RGS18: variants seen among roughly 807,000 people sequenced by gnomAD.
The protein encoded by RGS18 is regulator of G protein signaling 18.
RGS18 carries 22 observed loss-of-function variants against 27.6 expected under a neutral mutation model. The observed-to-expected ratio is 0.80, with a 90% CI of 0.57 to 1.14. The LOEUF (loss-of-function observed/expected upper bound fraction) is 1.14. RGS18 is among the 50% of genes most tolerant of loss of function. The pLI is 0.00. For synonymous variants in RGS18, 89 were observed against 84.6 expected, an observed-to-expected ratio of 1.05 and a Z score of -0.29; for missense variants, 299 against 269.6, an observed-to-expected ratio of 1.11 and a Z score of -0.76.
At chr1:192,171,644 T>A (rs563913961) in intron 3 of RGS18, among the ~76,000 whole-genome samples, 2 of 152,150 alleles carry the variant, frequency 1.3e-5, no homozygotes, top group South Asian at 4.2e-4. Context: ...GTGGCTGAAA[T>A]CATTCCATAC....
At chr1:192,172,886 T>TATAA (rs1553229390) in intron 3 of RGS18, among the ~76,000 whole-genome samples, 24 of 144,106 alleles carry the variant, frequency 1.7e-4, no homozygotes, top group African/African-American at 6.1e-4. Context: ...TATATATAAA[T>TATAA]ATATATATAT....
rs368808934 is a variant in RGS18 at position 192,181,322 on chromosome 1, A to C, written c.314A>C (p.Lys105Thr). 3.9e-5 allele frequency: 61 copies of C among 1,560,536 alleles called. No homozygotes were observed. The African/African-American group carries it at 8.0e-4, about 20-fold the overall frequency. ...DGLEAFTRFL[K>T]TEFSEENIEF... ...CTAGAGGCTTTTACCAGATTTCTTA[A>C]AACTGAATTCAGTGAAGAAAATATT... The change falls in exon 4 of 5, where the codon AAA becomes ACA. Residue 105 changes from lysine to threonine, a missense_variant. Physicochemically the swap from Lys to Thr is moderately conservative, Grantham distance 78. Coordinates refer to ENST00000367460, the MANE Select transcript of RGS18 (RefSeq NM_130782.3).
In RGS18 at chr1:192,181,318, C is replaced by A; in HGVS notation, c.310C>A (p.Leu104Ile). 1 of 1,551,348 alleles carries A rather than the reference C, an allele frequency of 6.4e-7. No individual in the cohort carries two copies. The highest frequency in any genetic ancestry group is 8.7e-7 in the Non-Finnish European group (1 of 1,144,330). ...RDGLEAFTRF[L>I]KTEFSEENIE... is the part of the protein sequence containing the mutation. ...TGGACTAGAGGCTTTTACCAGATTTCTTAAAACTGAATTCAGTGAAGAAAA... is the reference window on the plus strand; with the variant it reads ...TGGACTAGAGGCTTTTACCAGATTTATTAAAACTGAATTCAGTGAAGAAAA... Residue 104 changes from leucine (L) to isoleucine (I), a missense_variant, in exon 4 of 5, where the codon CTT (leucine) becomes ATT (isoleucine). Leu to Ile is a conservative substitution (Grantham distance 5, BLOSUM62 2). Coordinates refer to ENST00000367460, the MANE Select transcript of RGS18 (RefSeq NM_130782.3).
chr1:192,168,926 C>T lies in RGS18; in HGVS notation c.283+8487C>T, dbSNP rs1305031339. 3.3e-5 allele frequency: 5 copies of T among 152,148 alleles called. No homozygotes were observed. The South Asian group carries it at 8.3e-4, about 25-fold the overall frequency. The allele number at this position is 152,148 out of a possible 1,614,324, so 9.4% of individuals were successfully genotyped here. On this transcript the variant is annotated intron_variant, in intron 3 of 4. Coordinates refer to ENST00000367460, the MANE Select transcript of RGS18 (RefSeq NM_130782.3). ...AACATGAGTATAACAAGACTTACTCCGTAGGGCTGATGTGAAAATTAAATG... is the reference window on the plus strand; with the variant it reads ...AACATGAGTATAACAAGACTTACTCTGTAGGGCTGATGTGAAAATTAAATG...
At chr1:192,167,004 G>A (rs572594527) in intron 3 of RGS18, among the ~76,000 whole-genome samples, 6 of 152,200 alleles carry the variant, frequency 3.9e-5, no homozygotes, top group East Asian at 1.9e-4. Flanking sequence ...TTCCTTTTCC[G>A]TGTGTACCCT....
intron 4 of RGS18, among the ~76,000 whole-genome samples, chr1:192,183,218 C>T (rs923750674): frequency 6.6e-6 from 1 of 151,510 alleles, no homozygotes; most frequent in Non-Finnish European, 1.5e-5. Flanking sequence ...AAAGCCCCTA[C>T]CTGAAAACCC....
chr1:192,159,645 CAGAG>C (rs1389395545), intron 2 of RGS18, among the ~76,000 whole-genome samples: 4 of 152,182 alleles, frequency 2.6e-5, no homozygotes, highest in Non-Finnish European at 4.4e-5. Flanking sequence ...ATTGTCATAG[CAGAG>C]AGATATTCAT....
At chr1:192,169,298 CAT>C (rs1656216187) in intron 3 of RGS18, 1 of 152,164 alleles carries the variant, frequency 6.6e-6, no homozygotes, top group African/African-American at 2.4e-5. Context: ...TTATGCATAA[CAT>C]GTGGCTAGAG....
chr1:192,160,396 A>G lies in RGS18; in HGVS notation c.240A>G (p.Ala80=). 2 of 1,612,278 alleles carry G rather than the reference A, an allele frequency of 1.2e-6. No individual in the cohort carries two copies. The highest frequency in any genetic ancestry group is 1.7e-6 in the Non-Finnish European group (2 of 1,178,496). ...TGTACAGAGTCTCCCCTGAAGAGGC[A>G]GTGAAATGGGGTGAATCATTTGACA... is the stretch of plus-strand genomic sequence containing the variant. The part of the protein sequence containing the change: ...AKETRVSPEE[A]VKWGESFDKL... Residue 80 remains alanine (A), a synonymous_variant, in exon 3 of 5, where the codon GCA becomes GCG. Coordinates refer to ENST00000367460, the MANE Select transcript of RGS18 (RefSeq NM_130782.3).
chr1:192,181,483 T>C (rs1355796228), intron 4 of RGS18, 25 bp downstream of exon 4: 3 of 1,444,434 alleles, frequency 2.1e-6, no homozygotes, highest in African/African-American at 1.5e-5. Context: ...ACTGTAAAAA[T>C]GCATAATTGC....
intron 3 of RGS18, among the ~76,000 whole-genome samples, chr1:192,173,976 C>A (rs887340428): frequency 4.6e-5 from 7 of 151,298 alleles, no homozygotes; most frequent in African/African-American, 1.7e-4. Flanking sequence ...AAGGTGGAAA[C>A]CTAGATCTTA....
rs1410545332 is a variant in RGS18, at chr1:192,184,611, C to A, written c.*57C>A. The A allele has an allele frequency of 1.4e-6, 2 of 1,472,930 alleles. No individual in the cohort carries two copies. Among genetic ancestry groups the A allele is most frequent in the Non-Finnish European group, 1.9e-6 (2 of 1,065,766 alleles). 91.2% of individuals were successfully genotyped at this position (1,472,930 alleles called of 1,614,324 possible). On this transcript the variant is annotated 3_prime_UTR_variant, in exon 5 of 5. Transcript: ENST00000367460. ...ACTTATACATCTGCTTCTAACATATCGCATGTTTATGTTAAGATTTGGTCC... is the reference window on the plus strand; with the variant it reads ...ACTTATACATCTGCTTCTAACATATAGCATGTTTATGTTAAGATTTGGTCC...
chr1:192,179,053 A>G (rs1310669210), intron 3 of RGS18, among the ~76,000 whole-genome samples: 3 of 151,544 alleles, frequency 2.0e-5, no homozygotes, highest in African/African-American at 4.8e-5. Flanking sequence ...TAGCACATTT[A>G]ATGGGGAAGA....
intron 3 of RGS18, among the ~76,000 whole-genome samples, chr1:192,166,011 T>C (rs947930365): frequency 1.3e-5 from 2 of 152,208 alleles, no homozygotes; most frequent in African/African-American, 4.8e-5. Flanking sequence ...TAATCATAAA[T>C]TTTTAATTTA....
intron 3 of RGS18, among the ~76,000 whole-genome samples, chr1:192,171,232 A>G (rs978517405): frequency 6.6e-6 from 1 of 152,082 alleles, no homozygotes; most frequent in African/African-American, 2.4e-5. Context: ...TGAGAAATCA[A>G]TCTTGAAAAG....
In RGS18 at chr1:192,176,259, C is replaced by T. The variant is rs187034650; in HGVS notation, c.284-5033C>T. ...CAAGGTCACTCAAACTGTCCCACAC[C>T]CTTCTGCATGTTTCCTTTTTTCAGT... is the stretch of plus-strand genomic sequence containing the variant. On this transcript the variant is annotated intron_variant, in intron 3 of 4. Coordinates refer to ENST00000367460, the MANE Select transcript of RGS18 (RefSeq NM_130782.3). Among the ~76,000 whole-genome samples, 8 of 151,864 alleles carry T rather than the reference C, an allele frequency of 5.3e-5. No individual in the cohort carries two copies. In the East Asian group the frequency reaches 1.6e-3, roughly 30 times the overall value.
At chr1:192,162,460 C>T (rs1055105380) in intron 3 of RGS18, among the ~76,000 whole-genome samples, 6 of 152,036 alleles carry the variant, frequency 3.9e-5, no homozygotes, top group African/African-American at 9.7e-5. Flanking sequence ...AGACACAGGC[C>T]ACCACACCTG....
Position 192,159,142 on chromosome 1 carries a change from C to T in RGS18, c.120-78C>T, listed in dbSNP as rs1342271933. On this transcript the variant is annotated intron_variant, in intron 1 of 4. Coordinates refer to ENST00000367460, the MANE Select transcript of RGS18 (RefSeq NM_130782.3). The stretch of plus-strand genomic sequence containing the variant: ...GGTGGGCGTGGGTTTTTACCAACTA[C>T]AAAATTTTCTGGTAGTCAGCAGGAG... 22 of 1,012,464 alleles carry T rather than the reference C, an allele frequency of 2.2e-5. No individual in the cohort carries two copies. The East Asian group carries it at 4.2e-4, about 19-fold the overall frequency. 62.7% of individuals were successfully genotyped at this position (1,012,464 alleles called of 1,614,324 possible).
intron 3 of RGS18, among the ~76,000 whole-genome samples, chr1:192,178,449 G>A (rs1557938445): frequency 1.3e-5 from 2 of 151,528 alleles, no homozygotes; most frequent in African/African-American, 4.8e-5. Context: ...AGATGAAGAA[G>A]GATAAACTGA....
Sources: allele counts gnomAD v4.1 joint callset (sites outside exome capture counted in the v4.1 genomes callset), GRCh38; gene constraint gnomAD v4.1.1; transcripts MANE v1.5; gene names NCBI Gene and HGNC (gene_info 2026-07-23, HGNC 2026-07-21).